Variants in NOX4 observed in about 807,000 individuals in gnomAD.
The protein encoded by NOX4 is NADPH oxidase 4, also known as kidney oxidase-1.
A neutral mutation model predicts 87.6 loss-of-function variants in NOX4; 69 were observed. The observed-to-expected ratio is 0.79, with a 90% confidence interval of 0.65 to 0.96. The LOEUF is 0.96. NOX4 is among the 40% of genes least tolerant of loss of function. NOX4 has a pLI of 0.00. For synonymous variants in NOX4, 275 were observed against 238.2 expected, an observed-to-expected ratio of 1.15 and a Z score of -1.42; for missense variants, 680 against 681.5, an observed-to-expected ratio of 1.00 and a Z score of 0.02.
intron 12 of NOX4, among the ~76,000 whole-genome samples, chr11:89,369,068 G>A (rs1443300765): frequency 6.6e-6 from 1 of 152,010 alleles, no homozygotes; most frequent in Non-Finnish European, 1.5e-5. Flanking sequence ...TGCTGCAAAT[G>A]CAATTCCCCT....
At chr11:89,531,154 C>A in the NOX4 span, among the ~76,000 whole-genome samples, 1 of 152,100 alleles carries the variant, frequency 6.6e-6, no homozygotes, top group Non-Finnish European at 1.5e-5. Flanking sequence ...AGGATAAATG[C>A]ACAAAATTTC....
At chr11:89,368,780 T>C (rs1484957543) in intron 12 of NOX4, among the ~76,000 whole-genome samples, 1 of 152,146 alleles carries the variant, frequency 6.6e-6, no homozygotes, top group South Asian at 2.1e-4. Flanking sequence ...CTGTGAGTGA[T>C]GGGAAGCTAT....
chr11:89,428,891 C>T (rs1943610989), intron 7 of NOX4, among the ~76,000 whole-genome samples: 1 of 152,226 alleles, frequency 6.6e-6, no homozygotes. Context: ...GAACTCTCCA[C>T]TCCAATCAGC....
the NOX4 span, among the ~76,000 whole-genome samples, chr11:89,512,870 C>A: frequency 1.3e-5 from 2 of 152,098 alleles, no homozygotes; most frequent in Admixed American, 1.3e-4. Flanking sequence ...AGGGAAAGAA[C>A]TTCAGAGTAG....
At chr11:89,373,277 C>CAAAAAAAAAAA (rs144113376) in intron 12 of NOX4, among the ~76,000 whole-genome samples, 155 bp downstream of exon 12, 3,949 of 56,748 alleles carry the variant, frequency 0.07, no homozygotes, top group Non-Finnish European at 0.1. Flanking sequence ...ACTGTACAAG[C>CAAAAAAAAAAA]AAAAAAAAAA....
the NOX4 span, among the ~76,000 whole-genome samples, chr11:89,567,438 A>G: frequency 1.3e-5 from 2 of 152,194 alleles, no homozygotes; most frequent in African/African-American, 2.4e-5. Context: ...TTCTCACGCT[A>G]CTATAAGGAC....
chr11:89,378,826 G>A (rs1262249736), intron 11 of NOX4, among the ~76,000 whole-genome samples: 1 of 152,160 alleles, frequency 6.6e-6, no homozygotes, highest in Non-Finnish European at 1.5e-5. Flanking sequence ...AATTTCACAA[G>A]TGAAGATTGC....
At chr11:89,529,663 C>T in the NOX4 span, among the ~76,000 whole-genome samples, 1 of 152,178 alleles carries the variant, frequency 6.6e-6, no homozygotes, top group Non-Finnish European at 1.5e-5. Context: ...GACGAAATAT[C>T]AACCAACAAT....
At chr11:89,451,937 A>G (rs142208926) in intron 2 of NOX4, 42 bp from the exon 3 acceptor site, 11 of 1,331,704 alleles carry the variant, frequency 8.3e-6, no homozygotes, top group Admixed American at 3.4e-5. Context: ...TAAGGACAGT[A>G]GTAAAGCCCT....
the NOX4 span, among the ~76,000 whole-genome samples, chr11:89,588,370 C>T: frequency 6.6e-6 from 1 of 152,198 alleles, no homozygotes; most frequent in South Asian, 2.1e-4. Context: ...AAAACAGAAG[C>T]ATCGAGAAAT....
At chr11:89,364,535 C>T (rs1938786217) in intron 12 of NOX4, among the ~76,000 whole-genome samples, 1 of 151,984 alleles carries the variant, frequency 6.6e-6, no homozygotes, top group African/African-American at 2.4e-5. Context: ...GAACTTTATA[C>T]TGTCTTACAT....
upstream of NOX4, among the ~76,000 whole-genome samples, chr11:89,501,832 G>C (rs684111): frequency 0.13 from 19,855 of 152,066 alleles, 1,368 homozygotes; most frequent in East Asian, 0.23. Context: ...GCAGGATGGA[G>C]AGTATTCACC....
At chr11:89,448,971 A>C (rs184571378) in intron 4 of NOX4, among the ~76,000 whole-genome samples, 4 of 152,312 alleles carry the variant, frequency 2.6e-5, no homozygotes, top group African/African-American at 7.2e-5. Context: ...TGTTTCTTCC[A>C]GTATTTCTTA....
intron 8 of NOX4, among the ~76,000 whole-genome samples, chr11:89,415,935 T>C (rs575304670): frequency 6.6e-6 from 1 of 152,232 alleles, no homozygotes; most frequent in African/African-American, 2.4e-5. Flanking sequence ...GAGACAAAGC[T>C]AGGCAAACCT....
At chr11:89,470,408 C>T (rs191971985) in intron 2 of NOX4, among the ~76,000 whole-genome samples, 2 of 152,040 alleles carry the variant, frequency 1.3e-5, no homozygotes, top group Non-Finnish European at 2.9e-5. Context: ...ACTATGTGTT[C>T]TATAAATATA....
Position 89,421,982 on chromosome 11 carries a change from T to C in NOX4, c.549A>G (p.Arg183=). 6.7e-7 allele frequency: 1 copy of C among 1,502,986 alleles called. No homozygotes were observed. The highest frequency in any genetic ancestry group is 9.0e-7 in the Non-Finnish European group (1 of 1,114,122). 93.1% of individuals were successfully genotyped at this position (1,502,986 alleles called of 1,614,324 possible). A position where few individuals can be genotyped will look rare whatever the true frequency, so the allele number is the denominator to read the frequency against. The change falls in exon 8 of 18, where the codon AGA becomes AGG. Residue 183 remains arginine, a splice_region_variant and synonymous_variant. Coordinates refer to ENST00000263317, the MANE Select transcript of NOX4 (RefSeq NM_016931.5). ...ACCAGAAGATATCATAGTTAGAAACTCTGCAAAAACAAATACACTCATTTT... is the reference window on the plus strand; with the variant it reads ...ACCAGAAGATATCATAGTTAGAAACCCTGCAAAAACAAATACACTCATTTT... ...LMITASTYAI[R]VSNYDIFWYT...
At position 89,481,946 on chromosome 11, in the gene NOX4, C is replaced by T. The variant is rs377422805; in HGVS notation, c.153+8512G>A. ...TGGTGTGCAAGGTAAAGTAGTTCCT[C>T]AATATTCCCTACTTCCTTTTCTGGG... On this transcript the variant is annotated intron_variant, in intron 2 of 17. Coordinates refer to ENST00000263317, the MANE Select transcript of NOX4 (RefSeq NM_016931.5). Among the ~76,000 whole-genome samples the T allele has an allele frequency of 1.2e-4, 19 of 152,144 alleles. 1 individual carries two copies. Among genetic ancestry groups the T allele is most frequent in the Admixed American group, 3.9e-4 (6 of 15,266 alleles).
At chr11:89,451,757 A>G (rs752562991) in intron 3 of NOX4, 28 bp downstream of exon 3, 18 of 1,452,656 alleles carry the variant, frequency 1.2e-5, no homozygotes, top group Non-Finnish European at 1.7e-5. Context: ...TTATGCTGGA[A>G]TTTGAAAGTA....
intron 14 of NOX4, among the ~76,000 whole-genome samples, chr11:89,341,204 C>T (rs987144227): frequency 4.1e-5 from 6 of 146,934 alleles, no homozygotes; most frequent in Non-Finnish European, 4.4e-5. Flanking sequence ...CTCACTGCAA[C>T]CCCCACCTCC....
Sources: gnomAD v4.1 joint callset for allele counts (sites outside exome capture counted in the v4.1 genomes callset) on GRCh38, gnomAD v4.1.1 for gene constraint, MANE v1.5 for transcripts, NCBI Gene and HGNC (gene_info 2026-07-23, HGNC 2026-07-21) for gene names.